ZFYVE9: variants seen among roughly 807,000 people sequenced by gnomAD.
ZFYVE9 encodes zinc finger FYVE-type containing 9, also known as zinc finger FYVE domain-containing protein 9.
ZFYVE9 carries 43 observed loss-of-function variants against 126.7 expected under a neutral mutation model. The observed-to-expected ratio is 0.34, with a 90% CI of 0.27 to 0.44. The LOEUF (loss-of-function observed/expected upper bound fraction) is 0.44. ZFYVE9 is among the 20% of genes least tolerant of loss of function. The probability of loss-of-function intolerance (pLI) is 1.00; values close to 1 mark genes in which losing one functional copy is unlikely to be tolerated. For missense variants in ZFYVE9, 1,476 were observed against 1,697.0 expected (o/e 0.87, Z 2.29); for synonymous variants, 521 against 597.4 (o/e 0.87, Z 1.87).
At chr1:52,148,446 C>T (rs563645524) in intron 1 of ZFYVE9, among the ~76,000 whole-genome samples, 1 of 151,630 alleles carries the variant, frequency 6.6e-6, no homozygotes, top group South Asian at 2.1e-4. Context: ...CAAGACTGCA[C>T]CATTGCACTC....
intron 13 of ZFYVE9, among the ~76,000 whole-genome samples, chr1:52,317,483 G>A (rs1646196790): frequency 6.8e-6 from 1 of 146,272 alleles, no homozygotes; most frequent in African/African-American, 2.5e-5. Context: ...CTCTGTCTCA[G>A]AAAAAAAAAA....
At chr1:52,157,033 C>T (rs1049492364) in intron 1 of ZFYVE9, among the ~76,000 whole-genome samples, 6 of 152,110 alleles carry the variant, frequency 3.9e-5, no homozygotes, top group East Asian at 3.9e-4. Context: ...GGGGTTTCAC[C>T]GTGTTAGCCA....
intron 1 of ZFYVE9, among the ~76,000 whole-genome samples, chr1:52,146,027 C>CACACACA (rs150268323): frequency 6.8e-6 from 1 of 146,292 alleles, no homozygotes. Context: ...TCAAAAATAT[C>CACACACA]CACACACACA....
chr1:52,325,837 C>T (rs1320563077), intron 13 of ZFYVE9, among the ~76,000 whole-genome samples: 1 of 152,210 alleles, frequency 6.6e-6, no homozygotes. Context: ...AAAGGCTAGT[C>T]ATTTTTTAAA....
chr1:52,255,963 C>CTTT (rs370784228), intron 4 of ZFYVE9, among the ~76,000 whole-genome samples: 1 of 54,038 alleles, frequency 1.9e-5, no homozygotes. Flanking sequence ...CTTTTCTTTT[C>CTTT]TTTTCTTTCT....
chr1:52,334,040 C>A (rs1204561206), intron 14 of ZFYVE9, among the ~76,000 whole-genome samples: 1 of 148,388 alleles, frequency 6.7e-6, no homozygotes, highest in Non-Finnish European at 1.5e-5. Context: ...TTGCAGTGAG[C>A]AGAGATAGCA....
At chr1:52,307,953 C>T (rs925859027) in intron 13 of ZFYVE9, among the ~76,000 whole-genome samples, 4 of 151,746 alleles carry the variant, frequency 2.6e-5, no homozygotes, top group Non-Finnish European at 5.9e-5. Flanking sequence ...GGGGTTTCAC[C>T]GTGTTAGCCA....
chr1:52,263,764 C>G lies in ZFYVE9; in HGVS notation c.2179-9C>G, dbSNP rs3748623. ...ATTTTGTGTGTTCTTCCCCCCCCCC[C>G]CCCCACAGGTTTTCTGTGCTTCCTG... is the stretch of plus-strand genomic sequence containing the variant. On this transcript the variant is annotated splice_polypyrimidine_tract_variant and intron_variant, in intron 4 of 18. Transcript: ENST00000287727. 7.3e-3 allele frequency: 7,892 copies of G among 1,078,328 alleles called. 361 individuals are homozygous for G. The East Asian group carries it at 0.087, about 12-fold the overall frequency. 66.8% of individuals were successfully genotyped at this position (1,078,328 alleles called of 1,614,324 possible). A position where few individuals can be genotyped will look rare whatever the true frequency, so the allele number is the denominator to read the frequency against.
Position 52,281,707 on chromosome 1 carries a change from A to G in ZFYVE9, c.2916A>G (p.Ala972=). Residue 972 remains alanine, a synonymous_variant, in exon 10 of 19, where the codon GCA becomes GCG. Transcript: ENST00000287727. ...CWCFTTKGMH[A]VGQSEIVILL... ...GTTTCACAACCAAGGGAATGCATGCAGTGGGTCAGTCTGAGATAGTCATTC... is the reference window on the plus strand; with the variant it reads ...GTTTCACAACCAAGGGAATGCATGCGGTGGGTCAGTCTGAGATAGTCATTC... 1 of 1,614,198 alleles carries G rather than the reference A, an allele frequency of 6.2e-7. No individual in the cohort carries two copies. The highest frequency in any genetic ancestry group is 1.3e-5 in the African/African-American group (1 of 75,054).
intron 13 of ZFYVE9, among the ~76,000 whole-genome samples, chr1:52,325,956 T>C (rs1342305276): frequency 1.3e-5 from 2 of 152,206 alleles, no homozygotes; most frequent in East Asian, 3.8e-4. Flanking sequence ...CATAGAACTG[T>C]GTTCTTTTAA....
chr1:52,284,940 G>A (rs116760117), intron 10 of ZFYVE9, among the ~76,000 whole-genome samples: 1 of 152,106 alleles, frequency 6.6e-6, no homozygotes, highest in East Asian at 1.9e-4. Context: ...CATTTCAAAA[G>A]CATAAGTGAG....
intron 16 of ZFYVE9, among the ~76,000 whole-genome samples, chr1:52,339,299 T>TG (rs1272281161): frequency 6.6e-6 from 1 of 152,066 alleles, no homozygotes; most frequent in African/African-American, 2.4e-5. Context: ...TCCTTTTTTT[T>TG]TTTTTGGAGA....
intron 12 of ZFYVE9, among the ~76,000 whole-genome samples, chr1:52,296,401 A>T (rs1645975654): frequency 6.6e-6 from 1 of 151,912 alleles, no homozygotes; most frequent in Non-Finnish European, 1.5e-5. Context: ...CCAAGCAAAG[A>T]TTGGTCAGAG....
intron 12 of ZFYVE9, among the ~76,000 whole-genome samples, chr1:52,300,196 T>A (rs1264756169): frequency 6.6e-6 from 1 of 152,172 alleles, no homozygotes; most frequent in African/African-American, 2.4e-5. Context: ...AGTTTGTTTA[T>A]TGTTGTTTTG....
In ZFYVE9 at chr1:52,281,773, T is replaced by G. The variant is rs1452896436; in HGVS notation, c.2982T>G (p.Asp994Glu). The G allele has an allele frequency of 1.2e-6, 2 of 1,614,232 alleles. No homozygotes were observed. Among genetic ancestry groups the G allele is most frequent in the Admixed American group, 1.7e-5 (1 of 60,028 alleles). Residue 994 changes from aspartate (D) to glutamate (E), a missense_variant, in exon 10 of 19, where the codon GAT becomes GAG. Around this residue, in one of 2 missense-constraint regions of ZFYVE9, gnomAD observed 669 missense variants for 902.4 expected, o/e 0.74. Transcript: ENST00000287727. ...CGGATGAAAAGTGTTTGCCAAAGGA[T>G]ATCTTTAATCACTTTGTGCAGCTTT... ...CLPDEKCLPK[D>E]IFNHFVQLYR...
At chr1:52,172,140 C>T (rs150547162) in intron 1 of ZFYVE9, among the ~76,000 whole-genome samples, 4 of 152,100 alleles carry the variant, frequency 2.6e-5, no homozygotes, top group Non-Finnish European at 4.4e-5. Context: ...TTAGGTCTAA[C>T]GTTTAAGTCT....
At chr1:52,165,172 C>G (rs957898200) in intron 1 of ZFYVE9, among the ~76,000 whole-genome samples, 3 of 151,808 alleles carry the variant, frequency 2.0e-5, no homozygotes, top group African/African-American at 7.3e-5. Flanking sequence ...GTTAAGGGAC[C>G]CCACTGCCTT....
chr1:52,320,796 G>C (rs571052511), intron 13 of ZFYVE9, among the ~76,000 whole-genome samples: 5 of 152,214 alleles, frequency 3.3e-5, no homozygotes, highest in Admixed American at 3.3e-4. Context: ...CTTTTTATGA[G>C]TATATGCACA....
At chr1:52,274,413 C>T in intron 7 of ZFYVE9, 51 bp from the exon 8 acceptor site, 1 of 1,494,876 alleles carries the variant, frequency 6.7e-7, no homozygotes, top group Non-Finnish European at 9.0e-7. Context: ...TATGTCCTGC[C>T]AAAGTCTTGA....
Sources: allele counts gnomAD v4.1 joint callset (sites outside exome capture counted in the v4.1 genomes callset), GRCh38; gene constraint gnomAD v4.1.1; regional missense constraint gnomAD v4.1.1; transcripts MANE v1.5; gene names NCBI Gene and HGNC (gene_info 2026-07-23, HGNC 2026-07-21).